TPCN2: variants seen among roughly 807,000 people sequenced by gnomAD.
The protein encoded by TPCN2 is two pore channel protein 2.
In TPCN2, 92 loss-of-function variants were observed where a neutral mutation model predicts 111.4. That is an observed-to-expected ratio of 0.83 (90% CI 0.70 to 0.98). The LOEUF (loss-of-function observed/expected upper bound fraction) is 0.98, where lower values mean the gene tolerates loss of function less well. Among genes scored for constraint, TPCN2 ranks in the 50% least tolerant of loss-of-function variants. TPCN2 has a pLI of 0.00. For missense variants in TPCN2, 995 were observed against 980.1 expected (o/e 1.02, Z -0.20); for synonymous variants, 405 against 414.5 (o/e 0.98, Z 0.28).
chr11:69,074,226 G>T (rs1855656989), intron 13 of TPCN2, among the ~76,000 whole-genome samples: 1 of 152,196 alleles, frequency 6.6e-6, no homozygotes, highest in South Asian at 2.1e-4. Context: ...CTGTAGTCAG[G>T]CCCTGCCCCA....
chr11:69,070,668 C>T (rs1428885414), intron 9 of TPCN2, among the ~76,000 whole-genome samples, 173 bp downstream of exon 9: 1 of 150,830 alleles, frequency 6.6e-6, no homozygotes, highest in Non-Finnish European at 1.5e-5. Flanking sequence ...CCACCAACAG[C>T]TTCACCCGAG....
intron 4 of TPCN2, 93 bp downstream of exon 4, chr11:69,055,445 C>G: frequency 7.7e-7 from 1 of 1,296,306 alleles, no homozygotes; most frequent in Non-Finnish European, 1.0e-6. Flanking sequence ...CTGGAGTGAG[C>G]TGCCTTTTCC....
Position 69,057,667 on chromosome 11 carries a change from C to G in TPCN2, c.519C>G (p.Thr173=), listed in dbSNP as rs530430049. Residue 173 remains threonine (T), a synonymous_variant, in exon 5 of 25, where the codon ACC becomes ACG. Coordinates refer to ENST00000294309, the MANE Select transcript of TPCN2 (RefSeq NM_139075.4). ...TGGTGGTGTCTCTGGTGGACTGGACCGTGTCCCTGAGTCTCGTGTGTCATG... is the reference window on the plus strand; with the variant it reads ...TGGTGGTGTCTCTGGTGGACTGGACGGTGTCCCTGAGTCTCGTGTGTCATG... ...VVLVVSLVDW[T]VSLSLVCHEP... The G allele has an allele frequency of 1.2e-6, 2 of 1,614,160 alleles. No individual in the cohort carries two copies. The highest frequency in any genetic ancestry group is 1.7e-5 in the Admixed American group (1 of 60,026).
intron 18 of TPCN2, among the ~76,000 whole-genome samples, chr11:69,081,908 A>T (rs1480092559): frequency 6.6e-6 from 1 of 152,130 alleles, no homozygotes; most frequent in East Asian, 1.9e-4. Flanking sequence ...AGGATCCTCT[A>T]ATGCGGGCGC....
intron 8 of TPCN2, 35 bp downstream of exon 8, chr11:69,067,640 G>T: frequency 6.2e-7 from 1 of 1,603,550 alleles, no homozygotes; most frequent in Non-Finnish European, 8.5e-7. Flanking sequence ...CGTGGGGGTC[G>T]GTGAGCCCAG....
intron 17 of TPCN2, among the ~76,000 whole-genome samples, chr11:69,081,196 G>C (rs567304569): frequency 6.6e-6 from 1 of 152,252 alleles, no homozygotes; most frequent in African/African-American, 2.4e-5. Flanking sequence ...GGGGCTGCAG[G>C]TGGAAGCGGA....
rs1002627224 is a variant in TPCN2 at position 69,085,841 on chromosome 11, C to G, written c.1921-7C>G. 6.2e-7 allele frequency: 1 copy of G among 1,614,134 alleles called. No individual in the cohort carries two copies. The highest frequency in any genetic ancestry group is 1.7e-5 in the Admixed American group (1 of 60,038). The stretch of plus-strand genomic sequence containing the variant: ...CCCTCCTGGACCGCTGGTCTCTGCC[C>G]CCGCAGGCTGCCCTGGTCACTCTGT... On this transcript the variant is annotated splice_polypyrimidine_tract_variant and splice_region_variant and intron_variant, in intron 21 of 24. Coordinates refer to ENST00000294309, the MANE Select transcript of TPCN2 (RefSeq NM_139075.4).
At position 69,050,256 on chromosome 11, in the gene TPCN2, C is replaced by T. The variant is rs116648209; in HGVS notation, c.109+1150C>T. ...GGAGATCTGCAGGGAGCAGCTCTGG[C>T]AGGCCCCTTGATGAGACGCCCAGCA... is the stretch of plus-strand genomic sequence containing the variant. On this transcript the variant is annotated intron_variant, in intron 1 of 24. Transcript: ENST00000294309. Among the ~76,000 whole-genome samples the T allele has an allele frequency of 9.6e-3, 1,460 of 152,336 alleles. 21 individuals carry two copies. Among genetic ancestry groups the T allele is most frequent in the African/African-American group, 0.034 (1,404 of 41,574 alleles).
chr11:69,086,398 T>C, intron 22 of TPCN2, 125 bp from the exon 23 acceptor site: 3 of 791,378 alleles, frequency 3.8e-6, no homozygotes, highest in Admixed American at 3.8e-5. Context: ...AGTAACGCGC[T>C]CTGCATCATG....
chr11:69,053,524 A>G (rs2134514251), intron 1 of TPCN2, among the ~76,000 whole-genome samples: 1 of 152,162 alleles, frequency 6.6e-6, no homozygotes, highest in East Asian at 1.9e-4. Context: ...ACTGTGCAGG[A>G]GCCAGGTAGG....
At chr11:69,064,090 G>A in intron 7 of TPCN2, 123 bp downstream of exon 7, 2 of 931,884 alleles carry the variant, frequency 2.1e-6, no homozygotes, top group South Asian at 2.8e-5. Flanking sequence ...AGTAATAGCA[G>A]TGGCCCATCT....
rs77674774 is a variant in TPCN2 at position 69,069,115 on chromosome 11, G to T, written c.830-1315G>T. Among the ~76,000 whole-genome samples, 64 of 94,936 alleles carry T rather than the reference G, an allele frequency of 6.7e-4. 4 individuals carry two copies. Among genetic ancestry groups the T allele is most frequent in the Non-Finnish European group, 1.4e-3 (54 of 38,866 alleles). The allele number at this position is 94,936 out of a possible 152,430, so 62.3% of individuals were successfully genotyped here. On this transcript the variant is annotated intron_variant, in intron 8 of 24. Transcript: ENST00000294309. ...CAGGACTATCTGAGTCCTAGGAAGT[G>T]ACCGCAGTGGGAGCAGGACTGTCTG...
intron 4 of TPCN2, 68 bp from the exon 5 acceptor site, chr11:69,057,510 C>T (rs556877881): frequency 4.8e-5 from 70 of 1,449,070 alleles, no homozygotes; most frequent in East Asian, 1.1e-4. Flanking sequence ...CGCTGCGCAC[C>T]GTCATTCTCT....
intron 23 of TPCN2, among the ~76,000 whole-genome samples, 189 bp from the exon 24 acceptor site, chr11:69,086,923 G>A (rs966324120): frequency 3.5e-5 from 5 of 141,616 alleles, no homozygotes; most frequent in Admixed American, 3.0e-4. Flanking sequence ...AGGTCGGGCT[G>A]AAGGAGGGAC....
At chr11:69,075,307 G>C (rs1855706256) in intron 13 of TPCN2, among the ~76,000 whole-genome samples, 1 of 152,220 alleles carries the variant, frequency 6.6e-6, no homozygotes, top group South Asian at 2.1e-4. Flanking sequence ...ACTCCATGTG[G>C]ATACAAAATC....
chr11:69,074,021 G>T (rs1212207622), intron 13 of TPCN2, among the ~76,000 whole-genome samples: 1 of 152,148 alleles, frequency 6.6e-6, no homozygotes. Flanking sequence ...CTTTTAAAAG[G>T]CCCTGTCTCC....
intron 14 of TPCN2, 57 bp downstream of exon 14, chr11:69,078,658 C>G: frequency 6.2e-7 from 1 of 1,613,340 alleles, no homozygotes; most frequent in Non-Finnish European, 8.5e-7. Flanking sequence ...GCCCACCTTG[C>G]AGGGGAGCCT....
chr11:69,072,727 CA>C lies in TPCN2; in HGVS notation c.1143+20del, dbSNP rs1855589565. Reference sequence around the variant, plus strand: ...GATGGAGGTACCCGCCCCCTGCTCCCAGCCTCCTCTGGGCTCCTCCCGGGAG... The same window carrying C: ...GATGGAGGTACCCGCCCCCTGCTCCCGCCTCCTCTGGGCTCCTCCCGGGAG... On this transcript the variant is annotated intron_variant, in intron 12 of 24. Coordinates refer to ENST00000294309, the MANE Select transcript of TPCN2 (RefSeq NM_139075.4). 1 of 1,613,316 alleles carries C rather than the reference CA, an allele frequency of 6.2e-7. No individual in the cohort carries two copies.
In TPCN2 at chr11:69,083,907, C is replaced by T. The variant is rs1252425545; in HGVS notation, c.1690-38C>T. ...CGGGATGGTGTCCCCTCAGTGGGGC[C>T]AGGAGGAGTAAGGGCTGTGCTCTCT... On this transcript the variant is annotated intron_variant, in intron 18 of 24. Transcript: ENST00000294309. 8 of 1,598,142 alleles carry T rather than the reference C, an allele frequency of 5.0e-6. No individual in the cohort carries two copies. In the African/African-American group the frequency reaches 5.4e-5, roughly 11 times the overall value.
Sources: gnomAD v4.1 joint callset for allele counts (sites outside exome capture counted in the v4.1 genomes callset) on GRCh38, gnomAD v4.1.1 for gene constraint, MANE v1.5 for transcripts, NCBI Gene and HGNC (gene_info 2026-07-23, HGNC 2026-07-21) for gene names.